Variants in PLCZ1 observed in about 807,000 individuals in gnomAD.
PLCZ1 encodes phospholipase C zeta 1.
In PLCZ1, 64 loss-of-function variants were observed where a neutral mutation model predicts 76.8. That is an observed-to-expected ratio of 0.83 (90% CI 0.68 to 1.03). PLCZ1 has a LOEUF of 1.03. Ranked by LOEUF, PLCZ1 falls within the 50% of genes least tolerant of loss-of-function variation. The pLI, the probability that PLCZ1 is intolerant of heterozygous loss-of-function variation, is 0.00. For missense variants in PLCZ1, 751 were observed against 713.7 expected, an observed-to-expected ratio of 1.05 and a Z score of -0.60; for synonymous variants, 248 against 230.8, an observed-to-expected ratio of 1.07 and a Z score of -0.68.
At chr12:18,701,900 AT>A in intron 7 of PLCZ1, 124 bp from the exon 8 acceptor site, 1 of 1,350,378 alleles carries the variant, frequency 7.4e-7, no homozygotes, top group Non-Finnish European at 9.9e-7. Flanking sequence ...TAAGAACTCC[AT>A]TTTTTCCCAT....
chr12:18,665,722 G>A, the PLCZ1 span, among the ~76,000 whole-genome samples: 51 of 152,088 alleles, frequency 3.4e-4, no homozygotes, highest in African/African-American at 9.9e-4. Context: ...GGATCACGAG[G>A]TCAGGAGATC....
downstream of PLCZ1, among the ~76,000 whole-genome samples, chr12:18,678,929 A>G (rs1165115433): frequency 6.6e-6 from 1 of 152,040 alleles, no homozygotes; most frequent in African/African-American, 2.4e-5. Context: ...CTGTTTTCAC[A>G]GTGATTGTCC....
intron 3 of PLCZ1, among the ~76,000 whole-genome samples, chr12:18,725,030 A>C (rs1485600287): frequency 6.6e-6 from 1 of 152,180 alleles, no homozygotes; most frequent in Non-Finnish European, 1.5e-5. Context: ...TGTACTAAAA[A>C]GAATTGGAGA....
rs147930704 is a variant in PLCZ1 at position 18,732,378 on chromosome 12, G to A, written c.135+3843C>T. 9.2e-5 allele frequency among the ~76,000 whole-genome samples: 14 copies of A among 152,104 alleles called. No homozygotes were observed. In the East Asian group the frequency reaches 1.4e-3, roughly 15 times the overall value. ...TGTTGTACAGACTGGTCTCGAACTC[G>A]TGAGCTCAGGCGATCTGCCCAACTC... On this transcript the variant is annotated intron_variant, in intron 3 of 14. Coordinates refer to ENST00000266505, the MANE Select transcript of PLCZ1 (RefSeq NM_033123.4).
At chr12:18,674,712 C>G in the PLCZ1 span, among the ~76,000 whole-genome samples, 1 of 152,138 alleles carries the variant, frequency 6.6e-6, no homozygotes, top group East Asian at 1.9e-4. Flanking sequence ...TGAAGCTAGG[C>G]TGGTCTTTTG....
At chr12:18,691,028 T>A (rs750702372) in intron 12 of PLCZ1, among the ~76,000 whole-genome samples, 1 of 152,168 alleles carries the variant, frequency 6.6e-6, no homozygotes, top group Non-Finnish European at 1.5e-5. Flanking sequence ...ACAGGCTACC[T>A]GAAACCATCA....
chr12:18,723,592 T>A, intron 3 of PLCZ1, 50 bp from the exon 4 acceptor site: 1 of 1,325,418 alleles, frequency 7.5e-7, no homozygotes, highest in Non-Finnish European at 1.1e-6. Context: ...AAAAAATACA[T>A]AAAATGAATA....
At chr12:18,726,610 A>C (rs1325286616) in intron 3 of PLCZ1, among the ~76,000 whole-genome samples, 1 of 152,166 alleles carries the variant, frequency 6.6e-6, no homozygotes, top group Non-Finnish European at 1.5e-5. Context: ...GTACACTTTC[A>C]GAAACAGAAT....
the PLCZ1 span, among the ~76,000 whole-genome samples, chr12:18,671,939 T>C: frequency 3.9e-5 from 6 of 151,962 alleles, no homozygotes; most frequent in Non-Finnish European, 8.8e-5. Flanking sequence ...CTTGGTAGAG[T>C]GGGCATATAA....
At chr12:18,672,051 G>A in the PLCZ1 span, among the ~76,000 whole-genome samples, 1 of 152,124 alleles carries the variant, frequency 6.6e-6, no homozygotes, top group African/African-American at 2.4e-5. Context: ...CCATTACTTT[G>A]AGGATTCGAT....
chr12:18,708,417 A>G (rs1212562316), intron 6 of PLCZ1, among the ~76,000 whole-genome samples: 1 of 152,224 alleles, frequency 6.6e-6, no homozygotes, highest in African/African-American at 2.4e-5. Flanking sequence ...TCTGTCAATG[A>G]ACACTAGGTT....
the PLCZ1 span, among the ~76,000 whole-genome samples, chr12:18,645,979 TG>T: frequency 3.3e-5 from 5 of 151,924 alleles, no homozygotes; most frequent in South Asian, 8.3e-4. Context: ...GGAAGAAAAA[TG>T]GAGAATAGTT....
At chr12:18,732,374 A>G (rs1158084433) in intron 3 of PLCZ1, among the ~76,000 whole-genome samples, 1 of 152,138 alleles carries the variant, frequency 6.6e-6, no homozygotes, top group Non-Finnish European at 1.5e-5. Flanking sequence ...CTGGTCTCGA[A>G]CTCGTGAGCT....
the PLCZ1 span, among the ~76,000 whole-genome samples, chr12:18,650,659 TATAA>T: frequency 9.2e-6 from 1 of 108,474 alleles, no homozygotes; most frequent in Non-Finnish European, 1.9e-5. Context: ...ATAACTGGAA[TATAA>T]ATGTGTGTGT....
At chr12:18,716,694 TCTTAA>T (rs1191533980) in intron 5 of PLCZ1, among the ~76,000 whole-genome samples, 6 of 152,236 alleles carry the variant, frequency 3.9e-5, no homozygotes, top group African/African-American at 9.6e-5. Flanking sequence ...AAATTTCCAC[TCTTAA>T]CTTTATTTCA....
chr12:18,729,929 T>C (rs1207847867), intron 3 of PLCZ1, among the ~76,000 whole-genome samples: 1 of 152,158 alleles, frequency 6.6e-6, no homozygotes, highest in Admixed American at 6.5e-5. Flanking sequence ...TGAATAAATG[T>C]AATTCAATTG....
At position 18,684,231 on chromosome 12, in the gene PLCZ1, G is replaced by C. The variant is rs1952753519; in HGVS notation, c.1640C>G (p.Pro547Arg). 2 of 1,610,670 alleles carry C rather than the reference G, an allele frequency of 1.2e-6. No individual in the cohort carries two copies. The highest frequency in any genetic ancestry group is 1.7e-4 in the Middle Eastern group (1 of 6,056). The change falls in exon 14 of 15, where the codon CCA (proline) becomes CGA (arginine). Residue 547 changes from proline (P) to arginine (R), a missense_variant. Physicochemically the swap from Pro to Arg is moderately radical, Grantham distance 103. Transcript: ENST00000266505. ...AACAAAACGTATCAATGCCAATTCT[G>C]GGACATGAATAATAAATGTGAATGT... ...NETFTFIIHV[P>R]ELALIRFVVE... is the part of the protein sequence containing the mutation.
the PLCZ1 span, among the ~76,000 whole-genome samples, chr12:18,671,569 A>G: frequency 6.6e-6 from 1 of 152,150 alleles, no homozygotes; most frequent in Non-Finnish European, 1.5e-5. Flanking sequence ...ACAAAACTAC[A>G]AATTTGATTT....
At chr12:18,663,639 C>T in the PLCZ1 span, among the ~76,000 whole-genome samples, 2 of 151,338 alleles carry the variant, frequency 1.3e-5, no homozygotes, top group East Asian at 3.9e-4. Context: ...AACTGTAAAA[C>T]TCTTAGAAAA....
Sources: allele counts gnomAD v4.1 joint callset (sites outside exome capture counted in the v4.1 genomes callset), GRCh38; gene constraint gnomAD v4.1.1; transcripts MANE v1.5; gene names NCBI Gene and HGNC (gene_info 2026-07-23, HGNC 2026-07-21).